The following ZCCHC14 variants were observed in gnomAD, a reference collection of about 807,000 sequenced individuals.
ZCCHC14 encodes the protein zinc finger CCHC domain-containing protein 14.
ZCCHC14 carries 16 observed loss-of-function variants against 85.0 expected under a neutral mutation model. The ratio of observed to expected loss-of-function variants is 0.19; its 90% CI spans 0.13 to 0.29. ZCCHC14 has a LOEUF of 0.29. Among genes scored for constraint, ZCCHC14 ranks in the 10% least tolerant of loss-of-function variants. ZCCHC14 has a pLI of 1.00. For missense variants in ZCCHC14, 1,303 were observed against 1,443.5 expected (o/e 0.90, Z 1.58); for synonymous variants, 775 against 630.7 (o/e 1.23, Z -3.43).
At chr16:87,417,782 C>T in intron 7 of ZCCHC14, 40 bp from the exon 8 acceptor site, 1 of 1,523,176 alleles carries the variant, frequency 6.6e-7, no homozygotes, top group Non-Finnish European at 8.8e-7. Flanking sequence ...GAGACTGTGG[C>T]TTCCACAACC....
rs1446333465 is a variant in ZCCHC14, at chr16:87,491,487, G to T, written c.570+182C>A. On this transcript the variant is annotated intron_variant, in intron 1 of 12. Coordinates refer to ENST00000671377, the MANE Select transcript of ZCCHC14 (RefSeq NM_015144.3). The surrounding 1 kb of genome is among the most constrained non-coding windows in gnomAD (Gnocchi z 5.9). ...CACACATTTGGGGTGCGACATAGAG[G>T]CTTAGGATGGGGCTTGGGATACGGG... Among the ~76,000 whole-genome samples the T allele has an allele frequency of 6.6e-6, 1 of 152,008 alleles. No individual in the cohort carries two copies. Among genetic ancestry groups the T allele is most frequent in the African/African-American group, 2.4e-5 (1 of 41,380 alleles).
intron 1 of ZCCHC14, among the ~76,000 whole-genome samples, chr16:87,484,190 G>A (rs1195433314): frequency 1.3e-5 from 2 of 152,174 alleles, no homozygotes; most frequent in Non-Finnish European, 2.9e-5. Flanking sequence ...TTTTTTACAC[G>A]TGAAATAAAA....
chr16:87,412,857 A>C lies in ZCCHC14; in HGVS notation c.1864T>G (p.Ser622Ala). 1 of 1,608,356 alleles carries C rather than the reference A, an allele frequency of 6.2e-7. No homozygotes were observed. The highest frequency in any genetic ancestry group is 1.1e-5 in the South Asian group (1 of 90,202). ...AGGGGGTGGTGGCCTGATGGATTGG[A>C]GCTGGCCTCATTCTGCACAGGGAGA... ...QVLPVQNEAS[S>A]NPSGHHPLPP... Residue 622 changes from serine to alanine, a missense_variant, in exon 12 of 13, where the codon TCC becomes GCC. Physicochemically the swap from Ser to Ala is moderately conservative, Grantham distance 99. This residue lies in a region of ZCCHC14 where 797 missense variants were observed against 730.8 expected (regional missense o/e 1.09). Coordinates refer to ENST00000671377, the MANE Select transcript of ZCCHC14 (RefSeq NM_015144.3).
chr16:87,415,905 G>A (rs1020561907), intron 8 of ZCCHC14, among the ~76,000 whole-genome samples: 1 of 151,920 alleles, frequency 6.6e-6, no homozygotes, highest in African/African-American at 2.4e-5. Flanking sequence ...CAAAAATCTC[G>A]CTCTTATTTT....
intron 2 of ZCCHC14, among the ~76,000 whole-genome samples, chr16:87,456,127 A>G (rs1321097019): frequency 6.6e-6 from 1 of 152,200 alleles, no homozygotes; most frequent in Non-Finnish European, 1.5e-5. Context: ...ATAAAATGTT[A>G]GATAAAGAAC....
chr16:87,421,850 C>G (rs1909115170), intron 4 of ZCCHC14, among the ~76,000 whole-genome samples: 1 of 152,108 alleles, frequency 6.6e-6, no homozygotes, highest in African/African-American at 2.4e-5. Flanking sequence ...TTGACCCTTT[C>G]CAGGCATAAA....
At chr16:87,438,773 C>T (rs1195268346) in intron 2 of ZCCHC14, among the ~76,000 whole-genome samples, 3 of 152,158 alleles carry the variant, frequency 2.0e-5, no homozygotes, top group Non-Finnish European at 4.4e-5. Flanking sequence ...CACAGGAGGC[C>T]CGGGCCCACC....
intron 1 of ZCCHC14, among the ~76,000 whole-genome samples, chr16:87,474,643 C>A (rs1033259189): frequency 6.6e-6 from 1 of 152,184 alleles, no homozygotes; most frequent in Non-Finnish European, 1.5e-5. Flanking sequence ...TGTCCTGGGG[C>A]AGAACCTGGT....
chr16:87,424,969 C>T (rs533550459), intron 3 of ZCCHC14, among the ~76,000 whole-genome samples: 5 of 152,228 alleles, frequency 3.3e-5, no homozygotes, highest in Admixed American at 3.3e-4. Context: ...GCAAAGAGAG[C>T]TCACAGGCAC....
In ZCCHC14 at chr16:87,420,375, G is replaced by C. The variant is rs571414044; in HGVS notation, c.950+232C>G. Among the ~76,000 whole-genome samples, 1 of 152,346 alleles carries C rather than the reference G, an allele frequency of 6.6e-6. No homozygotes were observed. Among genetic ancestry groups the C allele is most frequent in the East Asian group, 1.9e-4 (1 of 5,180 alleles). On this transcript the variant is annotated intron_variant, in intron 5 of 12. Transcript: ENST00000671377. This position sits in a 1 kb window ranked among gnomAD's most constrained non-coding sequence, Gnocchi z 5.0. ...TCACAGGACTGCCAAAGCCCAAGAC[G>C]TGGTGGGACCCACCCTGGAATTCCC...
intron 2 of ZCCHC14, among the ~76,000 whole-genome samples, chr16:87,435,714 T>A (rs1909889674): frequency 6.6e-6 from 1 of 152,274 alleles, no homozygotes; most frequent in Non-Finnish European, 1.5e-5. Context: ...GGGAACCTCG[T>A]GCATCTCACG....
intron 1 of ZCCHC14, among the ~76,000 whole-genome samples, chr16:87,477,110 G>A (rs1389583320): frequency 1.1e-5 from 1 of 91,948 alleles, no homozygotes; most frequent in Admixed American, 1.7e-4. Context: ...GACAGAGAGA[G>A]ACTCAGTCTC....
At chr16:87,457,451 T>G (rs148546309) in intron 2 of ZCCHC14, among the ~76,000 whole-genome samples, 1 of 152,188 alleles carries the variant, frequency 6.6e-6, no homozygotes, top group Non-Finnish European at 1.5e-5. Flanking sequence ...AATCACCACA[T>G]GGGATCAGTT....
At chr16:87,469,642 T>C (rs942582259) in intron 1 of ZCCHC14, among the ~76,000 whole-genome samples, 29 of 152,350 alleles carry the variant, frequency 1.9e-4, no homozygotes, top group Admixed American at 1.7e-3. Flanking sequence ...AAAATGTTAG[T>C]TGCTGTTATT....
At chr16:87,445,199 T>A (rs1160626651) in intron 2 of ZCCHC14, among the ~76,000 whole-genome samples, 2 of 152,084 alleles carry the variant, frequency 1.3e-5, no homozygotes, top group African/African-American at 4.8e-5. Context: ...CCGAAGCAGC[T>A]GGGACTACAG....
chr16:87,429,580 A>G (rs1032203491), intron 3 of ZCCHC14, among the ~76,000 whole-genome samples: 5 of 152,218 alleles, frequency 3.3e-5, no homozygotes, highest in African/African-American at 1.2e-4. Context: ...CAAGAGTTCA[A>G]GACCAGTCTG....
At chr16:87,452,818 G>A (rs1406917933) in intron 2 of ZCCHC14, among the ~76,000 whole-genome samples, 1 of 152,200 alleles carries the variant, frequency 6.6e-6, no homozygotes, top group Admixed American at 6.5e-5. Context: ...GGAGGTGCAG[G>A]TGCTGAGGCT....
In ZCCHC14 at chr16:87,412,936, C is replaced by T. The variant is rs751204399; in HGVS notation, c.1785G>A (p.Pro595=). ...IHLESSDKEK[P]VMLLNHFTSS... ...AAGTGAAGTGATTCAGCAGCATCAC[C>T]GGCTTCTCCTTGTCAGAGCTCTCCA... Residue 595 remains proline, a synonymous_variant, in exon 12 of 13, where the codon CCG becomes CCA. Transcript: ENST00000671377. The T allele has an allele frequency of 1.4e-5, 22 of 1,603,682 alleles. No individual in the cohort carries two copies. The highest frequency in any genetic ancestry group is 1.7e-4 in the Middle Eastern group (1 of 6,034).
intron 1 of ZCCHC14, among the ~76,000 whole-genome samples, chr16:87,490,893 G>A (rs1438384825): frequency 6.6e-6 from 1 of 152,242 alleles, no homozygotes; most frequent in Admixed American, 6.5e-5. Flanking sequence ...CACACGGACA[G>A]CCATGTCCCG....
Sources: allele counts gnomAD v4.1 joint callset (sites outside exome capture counted in the v4.1 genomes callset), GRCh38; gene constraint gnomAD v4.1.1; regional missense constraint gnomAD v4.1.1; non-coding constraint Gnocchi (gnomAD v3.1); transcripts MANE v1.5; gene names NCBI Gene and HGNC (gene_info 2026-07-23, HGNC 2026-07-21).